Variants in STXBP4 observed in about 807,000 individuals in gnomAD.
STXBP4 encodes syntaxin binding protein 4.
STXBP4 carries 55 observed loss-of-function variants against 76.1 expected under a neutral mutation model. The ratio of observed to expected loss-of-function variants is 0.72; its 90% CI spans 0.58 to 0.91. STXBP4 has a LOEUF of 0.91. Ranked by LOEUF, STXBP4 falls within the 40% of genes least tolerant of loss-of-function variation. The pLI, the probability that STXBP4 is intolerant of heterozygous loss-of-function variation, is 0.00. For synonymous variants in STXBP4, 201 were observed against 220.2 expected (o/e 0.91, Z 0.77); for missense variants, 618 against 636.9 (o/e 0.97, Z 0.32).
chr17:55,050,096 A>G lies in STXBP4; in HGVS notation c.1011+2942A>G, dbSNP rs548858375. ...AAGCAATTAGAGGCATATGACTTGG[A>G]AAAGAAAAAATAAAACTGTCTTTTT... On this transcript the variant is annotated intron_variant, in intron 12 of 17. Coordinates refer to ENST00000376352, the MANE Select transcript of STXBP4 (RefSeq NM_178509.6). Among the ~76,000 whole-genome samples, 5 of 152,268 alleles carry G rather than the reference A, an allele frequency of 3.3e-5. No individual in the cohort carries two copies. The South Asian group carries it at 1.0e-3, about 32-fold the overall frequency.
intron 17 of STXBP4, among the ~76,000 whole-genome samples, chr17:55,147,223 GACCAGGGGGTAGGGGGACGGT>G (rs2080166820): frequency 1.3e-5 from 2 of 152,270 alleles, no homozygotes; most frequent in Admixed American, 1.3e-4. Context: ...TTTTTTCATG[GACCAGGGGGTAGGGGGACGGT>G]TTCAGGATGA....
At chr17:55,053,036 GACGTGA>G (rs2078880979) in intron 12 of STXBP4, among the ~76,000 whole-genome samples, 1 of 149,860 alleles carries the variant, frequency 6.7e-6, no homozygotes, top group Admixed American at 6.7e-5. Context: ...ATGCTAAAGA[GACGTGA>G]AAACTAAATA....
intron 17 of STXBP4, among the ~76,000 whole-genome samples, chr17:55,150,426 C>A (rs994808589): frequency 2.9e-4 from 44 of 152,140 alleles, no homozygotes; most frequent in Admixed American, 2.9e-3. Flanking sequence ...TCCTGCCAAC[C>A]CTACAACCTC....
intron 8 of STXBP4, among the ~76,000 whole-genome samples, chr17:55,011,232 A>AT (rs968555049): frequency 4.0e-5 from 6 of 151,608 alleles, no homozygotes; most frequent in Non-Finnish European, 7.4e-5. Flanking sequence ...TATTTGCATT[A>AT]TTTTTTTTAA....
rs372555638 is a variant in STXBP4 at position 55,067,999 on chromosome 17, G to A, written c.1012-4901G>A. On this transcript the variant is annotated intron_variant, in intron 12 of 17. Coordinates refer to ENST00000376352, the MANE Select transcript of STXBP4 (RefSeq NM_178509.6). The stretch of plus-strand genomic sequence containing the variant: ...TTCTCCCCCATACACATTCATGCCT[G>A]AGGGGTGAGTTATACCTTCATTTGT... Among the ~76,000 whole-genome samples, 6 of 152,222 alleles carry A rather than the reference G, an allele frequency of 3.9e-5. No homozygotes were observed. The East Asian group carries it at 1.2e-3, about 29-fold the overall frequency.
chr17:54,977,071 C>G (rs1461239968), intron 1 of STXBP4, among the ~76,000 whole-genome samples: 2 of 152,158 alleles, frequency 1.3e-5, no homozygotes, highest in African/African-American at 4.8e-5. Flanking sequence ...GCCTTCTTCC[C>G]TGGCAATACT....
intron 16 of STXBP4, among the ~76,000 whole-genome samples, chr17:55,082,584 T>C (rs1448590697): frequency 6.6e-6 from 1 of 152,140 alleles, no homozygotes; most frequent in East Asian, 1.9e-4. Context: ...TATCCAATAA[T>C]GATAGGATGT....
intron 17 of STXBP4, among the ~76,000 whole-genome samples, chr17:55,154,381 A>C (rs2080253912): frequency 6.6e-6 from 1 of 152,184 alleles, no homozygotes; most frequent in Non-Finnish European, 1.5e-5. Flanking sequence ...TATGGTATGG[A>C]ATGGAGAACA....
chr17:55,046,284 A>G (rs1301692868), intron 11 of STXBP4, among the ~76,000 whole-genome samples: 1 of 152,008 alleles, frequency 6.6e-6, no homozygotes. Context: ...GCCATATTAT[A>G]TTCATTTTCA....
chr17:55,031,230 A>G lies in STXBP4; in HGVS notation c.729A>G (p.Val243=), dbSNP rs1177240040. The change falls in exon 9 of 18, where the codon GTA becomes GTG. Residue 243 remains valine (V), a synonymous_variant. Coordinates refer to ENST00000376352, the MANE Select transcript of STXBP4 (RefSeq NM_178509.6). ...AACACCAAGCCCTGAGACAGCAAGT[A>G]CAAGCAGACTCAAAAGGGACAGTGT... The part of the protein sequence containing the change: ...KEQHQALRQQ[V]QADSKGTVSF... 1 of 1,613,368 alleles carries G rather than the reference A, an allele frequency of 6.2e-7. No individual in the cohort carries two copies. Among genetic ancestry groups the G allele is most frequent in the Admixed American group, 1.7e-5 (1 of 59,984 alleles).
chr17:55,137,209 G>A (rs1366538740), intron 16 of STXBP4, among the ~76,000 whole-genome samples: 2 of 152,024 alleles, frequency 1.3e-5, no homozygotes, highest in African/African-American at 4.8e-5. Flanking sequence ...TGTGATGAAT[G>A]TTATATTCTT....
Position 55,170,865 on chromosome 17 carries a change from A to T in STXBP4, c.*10954A>T, listed in dbSNP as rs901300553. 6.6e-6 allele frequency: 1 copy of T among 152,226 alleles called. No individual in the cohort carries two copies. The allele number at this position is 152,226 out of a possible 1,614,324, so 9.4% of individuals were successfully genotyped here. A position where few individuals can be genotyped will look rare whatever the true frequency, so the allele number is the denominator to read the frequency against. The stretch of plus-strand genomic sequence containing the variant: ...TCAGGATTTGTTTTTCCTGCTAGAA[A>T]TGCTAGAGTTGTCACAGATGTGATA... On this transcript the variant is annotated 3_prime_UTR_variant, in exon 18 of 18. Coordinates refer to ENST00000376352, the MANE Select transcript of STXBP4 (RefSeq NM_178509.6).
At chr17:55,041,548 A>G (rs904227232) in intron 10 of STXBP4, among the ~76,000 whole-genome samples, 1 of 152,046 alleles carries the variant, frequency 6.6e-6, no homozygotes, top group Non-Finnish European at 1.5e-5. Flanking sequence ...TGCTTATTTC[A>G]CTTCTTAGGA....
intron 16 of STXBP4, among the ~76,000 whole-genome samples, chr17:55,083,157 T>TAG (rs2079278502): frequency 6.6e-6 from 1 of 151,980 alleles, no homozygotes; most frequent in African/African-American, 2.4e-5. Flanking sequence ...TTATTTTTAG[T>TAG]AGAGACAGGG....
intron 13 of STXBP4, among the ~76,000 whole-genome samples, chr17:55,074,166 T>C (rs952789161): frequency 6.6e-6 from 1 of 152,192 alleles, no homozygotes; most frequent in Non-Finnish European, 1.5e-5. Flanking sequence ...TTATGACTAT[T>C]TAAACATTAA....
At chr17:55,179,456 T>G in the STXBP4 span, among the ~76,000 whole-genome samples, 1 of 152,152 alleles carries the variant, frequency 6.6e-6, no homozygotes. Context: ...AGGCATCTCA[T>G]TAGACTCTCC....
intron 16 of STXBP4, among the ~76,000 whole-genome samples, chr17:55,136,042 C>A (rs2080025114): frequency 6.6e-6 from 1 of 152,138 alleles, no homozygotes; most frequent in Non-Finnish European, 1.5e-5. Flanking sequence ...TTCTTTATCC[C>A]TCAGTTTCGT....
chr17:55,058,196 C>T (rs747987336), intron 12 of STXBP4, among the ~76,000 whole-genome samples: 4 of 152,216 alleles, frequency 2.6e-5, no homozygotes, highest in Non-Finnish European at 4.4e-5. Flanking sequence ...TCCTATTTCT[C>T]TACATCCTCT....
In STXBP4 at chr17:55,047,103, A is replaced by C. The variant is rs567736521; in HGVS notation, c.960A>C (p.Glu320Asp). The change falls in exon 12 of 18, where the codon GAA (glutamate) becomes GAC (aspartate). Residue 320 changes from glutamate to aspartate, a missense_variant. Coordinates refer to ENST00000376352, the MANE Select transcript of STXBP4 (RefSeq NM_178509.6). Reference sequence around the variant, plus strand: ...TTTAAATATAGGAAAAATTATTGGAATCAGATAAGCAAAGGAAACAATTGA... The same window carrying C: ...TTTAAATATAGGAAAAATTATTGGACTCAGATAAGCAAAGGAAACAATTGA... ...EVNTLKEKLLESDKQRKQLTE... is the reference protein window; with the variant it reads ...EVNTLKEKLLDSDKQRKQLTE... 2.1e-5 allele frequency: 33 copies of C among 1,605,350 alleles called. No homozygotes were observed. In the South Asian group the frequency reaches 3.1e-4, roughly 15 times the overall value.
Sources: allele counts gnomAD v4.1 joint callset (sites outside exome capture counted in the v4.1 genomes callset), GRCh38; gene constraint gnomAD v4.1.1; transcripts MANE v1.5; gene names NCBI Gene and HGNC (gene_info 2026-07-23, HGNC 2026-07-21).